The following NFIA variants were observed in gnomAD, a reference collection of about 807,000 sequenced individuals.
The protein encoded by NFIA is nuclear factor 1 A-type.
Under a neutral mutation model 62.8 loss-of-function variants are expected in NFIA, and 8 were observed. The observed-to-expected ratio is 0.13, with a 90% CI of 0.07 to 0.23. The LOEUF (loss-of-function observed/expected upper bound fraction) is 0.23, where lower values mean the gene tolerates loss of function less well. NFIA is among the 10% of genes least tolerant of loss of function. NFIA has a pLI of 1.00. For synonymous variants in NFIA, 235 were observed against 238.1 expected (o/e 0.99, Z 0.12); for missense variants, 410 against 642.1 (o/e 0.64, Z 3.91).
intron 2 of NFIA, among the ~76,000 whole-genome samples, chr1:61,237,334 A>G (rs1192348830): frequency 6.6e-6 from 1 of 152,196 alleles, no homozygotes; most frequent in African/African-American, 2.4e-5. Context: ...TGGTTACATG[A>G]GTAAGTTCTT....
intron 2 of NFIA, among the ~76,000 whole-genome samples, chr1:61,130,267 T>A (rs1647050998): frequency 6.6e-6 from 1 of 152,128 alleles, no homozygotes; most frequent in African/African-American, 2.4e-5. Flanking sequence ...AGACTGTTAG[T>A]GAAATCAGGG....
intron 9 of NFIA, among the ~76,000 whole-genome samples, chr1:61,424,793 G>T (rs11207738): frequency 0.16 from 24,601 of 152,076 alleles, 2,427 homozygotes; most frequent in East Asian, 0.43. Flanking sequence ...TCAAAGTAAA[G>T]CCATGGGGTG....
At chr1:61,267,101 G>A (rs1456625906) in intron 2 of NFIA, among the ~76,000 whole-genome samples, 1 of 152,050 alleles carries the variant, frequency 6.6e-6, no homozygotes, top group African/African-American at 2.4e-5. Context: ...AGCTACTTCT[G>A]GTAGAACTGT....
intron 2 of NFIA, among the ~76,000 whole-genome samples, chr1:61,142,888 T>C (rs1647646365): frequency 6.6e-6 from 1 of 152,166 alleles, no homozygotes; most frequent in South Asian, 2.1e-4. Flanking sequence ...CTGTGGCTCC[T>C]GAACAGTGCA....
At chr1:61,091,444 C>T (rs1324781989) in intron 2 of NFIA, among the ~76,000 whole-genome samples, 1 of 152,016 alleles carries the variant, frequency 6.6e-6, no homozygotes, top group Non-Finnish European at 1.5e-5. Flanking sequence ...AATCCAGTGG[C>T]ATTAGAACTG....
chr1:61,297,306 G>A (rs1031768410), intron 3 of NFIA, among the ~76,000 whole-genome samples: 2 of 152,078 alleles, frequency 1.3e-5, no homozygotes, highest in South Asian at 2.1e-4. Flanking sequence ...TTCCACTTTT[G>A]TATTTCCTCT....
chr1:61,323,202 A>G (rs1395096014), intron 3 of NFIA, among the ~76,000 whole-genome samples: 2 of 152,222 alleles, frequency 1.3e-5, no homozygotes, highest in Admixed American at 1.3e-4. Context: ...ATAAACCAAA[A>G]TGACAATCAT....
chr1:61,230,955 C>T (rs1654637169), intron 2 of NFIA, among the ~76,000 whole-genome samples: 1 of 152,192 alleles, frequency 6.6e-6, no homozygotes, highest in Non-Finnish European at 1.5e-5. Context: ...CTTGGAAAAC[C>T]ATTCCACACA....
At chr1:61,201,206 C>T (rs1410061407) in intron 2 of NFIA, among the ~76,000 whole-genome samples, 1 of 152,086 alleles carries the variant, frequency 6.6e-6, no homozygotes, top group Non-Finnish European at 1.5e-5. Context: ...TTTATCCTAT[C>T]TATGGAAAAT....
At chr1:61,355,609 C>A (rs1195624355) in intron 5 of NFIA, among the ~76,000 whole-genome samples, 1 of 151,652 alleles carries the variant, frequency 6.6e-6, no homozygotes, top group Non-Finnish European at 1.5e-5. Flanking sequence ...CCAATAGAGA[C>A]AGAGTCTCTT....
At chr1:61,090,777 A>G (rs1362188430) in intron 2 of NFIA, among the ~76,000 whole-genome samples, 1 of 152,196 alleles carries the variant, frequency 6.6e-6, no homozygotes, top group Non-Finnish European at 1.5e-5. Context: ...ATGTTTGGCC[A>G]TTGGTTTTCA....
chr1:61,198,606 T>C (rs1469454530), intron 2 of NFIA, among the ~76,000 whole-genome samples: 1 of 152,194 alleles, frequency 6.6e-6, no homozygotes, highest in Non-Finnish European at 1.5e-5. Flanking sequence ...CGTTCTTCAC[T>C]CTCTATCTGA....
intron 2 of NFIA, among the ~76,000 whole-genome samples, chr1:61,129,191 G>A (rs1647031138): frequency 6.6e-6 from 1 of 151,800 alleles, no homozygotes; most frequent in Non-Finnish European, 1.5e-5. Flanking sequence ...CAGAGTGCTG[G>A]GATTACAGGT....
intron 2 of NFIA, among the ~76,000 whole-genome samples, chr1:61,200,368 A>C (rs1161679775): frequency 6.6e-6 from 1 of 152,086 alleles, no homozygotes; most frequent in Non-Finnish European, 1.5e-5. Flanking sequence ...AGTACCCATT[A>C]GAGGTTAGCT....
At chr1:61,313,562 CTTCCAATA>C (rs1660220518) in intron 3 of NFIA, among the ~76,000 whole-genome samples, 1 of 152,214 alleles carries the variant, frequency 6.6e-6, no homozygotes, top group South Asian at 2.1e-4. Context: ...CCAGGCCACA[CTTCCAATA>C]TTGGGGATTA....
At chr1:61,426,289 TC>T (rs1375993100) in intron 9 of NFIA, among the ~76,000 whole-genome samples, 175 bp from the exon 10 acceptor site, 1 of 152,098 alleles carries the variant, frequency 6.6e-6, no homozygotes, top group Admixed American at 6.6e-5. Flanking sequence ...CAATCCCTCT[TC>T]CCCCTTTTTT....
chr1:61,440,812 A>G (rs1667541515), intron 10 of NFIA, among the ~76,000 whole-genome samples: 1 of 152,224 alleles, frequency 6.6e-6, no homozygotes, highest in South Asian at 2.1e-4. Flanking sequence ...TTATATGATG[A>G]CTCAGACACA....
chr1:61,149,689 A>C (rs1570267008), intron 2 of NFIA, among the ~76,000 whole-genome samples: 2 of 152,162 alleles, frequency 1.3e-5, no homozygotes, highest in African/African-American at 2.4e-5. Context: ...GGGCTGTGTG[A>C]CTTTGGGCAA....
intron 2 of NFIA, among the ~76,000 whole-genome samples, chr1:61,263,676 C>A (rs1472494263): frequency 6.6e-6 from 1 of 152,092 alleles, no homozygotes; most frequent in East Asian, 1.9e-4. Context: ...CCAGTGAAGA[C>A]GAGGGAAGTA....
Sources: allele counts gnomAD v4.1 joint callset (sites outside exome capture counted in the v4.1 genomes callset), GRCh38; gene constraint gnomAD v4.1.1; transcripts MANE v1.5; gene names NCBI Gene and HGNC (gene_info 2026-07-23, HGNC 2026-07-21).